The following TAOK3 variants were observed in gnomAD, a reference collection of about 807,000 sequenced individuals.
The protein encoded by TAOK3 is serine/threonine-protein kinase TAO3.
Under a neutral mutation model 120.4 loss-of-function variants are expected in TAOK3, and 40 were observed. The ratio of observed to expected loss-of-function variants is 0.33; its 90% CI spans 0.26 to 0.43. The LOEUF (loss-of-function observed/expected upper bound fraction) is 0.43. Among genes scored for constraint, TAOK3 ranks in the 20% least tolerant of loss-of-function variants. The probability of loss-of-function intolerance (pLI) is 1.00; values close to 1 mark genes in which losing one functional copy is unlikely to be tolerated. For missense variants in TAOK3, 821 were observed against 1,112.1 expected, an observed-to-expected ratio of 0.74 and a Z score of 3.72; for synonymous variants, 355 against 387.5, an observed-to-expected ratio of 0.92 and a Z score of 0.99.
chr12:118,315,242 G>T (rs1566105633), intron 1 of TAOK3, among the ~76,000 whole-genome samples: 1 of 152,080 alleles, frequency 6.6e-6, no homozygotes. Flanking sequence ...TTTCATAATG[G>T]TAAAAAATGA....
At chr12:118,180,443 A>G (rs560984309) in intron 15 of TAOK3, among the ~76,000 whole-genome samples, 1 of 144,994 alleles carries the variant, frequency 6.9e-6, no homozygotes, top group Admixed American at 6.9e-5. Flanking sequence ...GTTTTGCCAC[A>G]TTGTCCAGGC....
At chr12:118,234,234 T>TTTTTTTTTTTTTTTTTTTTTTTTG (rs2039920134) in intron 8 of TAOK3, among the ~76,000 whole-genome samples, 1 of 104,066 alleles carries the variant, frequency 9.6e-6, no homozygotes, top group Non-Finnish European at 2.0e-5. Flanking sequence ...TTTTTTTTTT[T>TTTTTTTTTTTTTTTTTTTTTTTTG]TTTTTTTTTT....
At chr12:118,173,148 A>C (rs2036108496) in intron 16 of TAOK3, among the ~76,000 whole-genome samples, 1 of 152,234 alleles carries the variant, frequency 6.6e-6, no homozygotes, top group Admixed American at 6.5e-5. Flanking sequence ...AAAATTATTC[A>C]GAGTTAACCA....
chr12:118,255,512 T>A lies in TAOK3; in HGVS notation c.56A>T (p.Asp19Val), dbSNP rs767810305. 6.2e-7 allele frequency: 1 copy of A among 1,614,144 alleles called. No individual in the cohort carries two copies. Among genetic ancestry groups the A allele is most frequent in the African/African-American group, 1.3e-5 (1 of 75,056 alleles). The change falls in exon 3 of 21, where the codon GAT becomes GTT. Residue 19 changes from aspartate (D) to valine (V), a missense_variant. Around this residue, in one of 2 missense-constraint regions of TAOK3, gnomAD observed 467 missense variants for 540.0 expected, o/e 0.86. Transcript: ENST00000392533. ...CAAACCAATAAAAAGTTCCTCAGGA[T>A]CATCTTTGTAGAATAGATCGGCAAT... is the stretch of plus-strand genomic sequence containing the variant. Reference protein sequence around the residue: ...PEIADLFYKDDPEELFIGLHE... With the variant: ...PEIADLFYKDVPEELFIGLHE...
intron 1 of TAOK3, among the ~76,000 whole-genome samples, chr12:118,351,021 A>G (rs1450900314): frequency 6.7e-6 from 1 of 149,848 alleles, no homozygotes; most frequent in Non-Finnish European, 1.5e-5. Context: ...TCTACAAAAA[A>G]TACAAAAATT....
At chr12:118,208,626 T>C (rs1407610190) in intron 11 of TAOK3, among the ~76,000 whole-genome samples, 1 of 152,164 alleles carries the variant, frequency 6.6e-6, no homozygotes, top group African/African-American at 2.4e-5. Context: ...TGCAACTGCT[T>C]TGAAGGACAA....
At chr12:118,166,876 A>G (rs951697665) in intron 17 of TAOK3, among the ~76,000 whole-genome samples, 5 of 147,288 alleles carry the variant, frequency 3.4e-5, no homozygotes, top group Non-Finnish European at 3.0e-5. Context: ...ACACACGTAT[A>G]AGCCCTGGAG....
At position 118,235,559 on chromosome 12, in the gene TAOK3, A is replaced by C. The variant is rs1446417720; in HGVS notation, c.550T>G (p.Trp184Gly). 4 of 1,612,186 alleles carry C rather than the reference A, an allele frequency of 2.5e-6. No individual in the cohort carries two copies. The highest frequency in any genetic ancestry group is 2.5e-6 in the Non-Finnish European group (3 of 1,178,256). The change falls in exon 8 of 21, where the codon TGG (tryptophan) becomes GGG (glycine). Residue 184 changes from tryptophan to glycine, a missense_variant and splice_region_variant. Physicochemically the swap from Trp to Gly is radical, Grantham distance 184 (BLOSUM62 -2). Coordinates refer to ENST00000392533, the MANE Select transcript of TAOK3 (RefSeq NM_016281.4). ...GTCATATAGCCTAATTCTACATACC[A>C]GTAAGGTGTGCCCACGAAGGAGTTG... ...PANSFVGTPY[W>G]MAPEVILAMD...
intron 1 of TAOK3, among the ~76,000 whole-genome samples, chr12:118,320,816 T>A (rs560902941): frequency 1.3e-5 from 2 of 152,250 alleles, no homozygotes; most frequent in South Asian, 4.1e-4. Flanking sequence ...TGAAAATGAA[T>A]CACACTGCTA....
At chr12:118,322,929 C>A (rs964237910) in intron 1 of TAOK3, among the ~76,000 whole-genome samples, 1 of 151,806 alleles carries the variant, frequency 6.6e-6, no homozygotes, top group African/African-American at 2.4e-5. Context: ...CCAGGCTGGT[C>A]TTGAACTCTT....
At chr12:118,295,976 T>C (rs2042665723) in intron 1 of TAOK3, among the ~76,000 whole-genome samples, 1 of 152,194 alleles carries the variant, frequency 6.6e-6, no homozygotes, top group South Asian at 2.1e-4. Flanking sequence ...CATGTGCCAA[T>C]TGATTCAAAT....
intron 1 of TAOK3, among the ~76,000 whole-genome samples, chr12:118,273,456 C>A (rs184014325): frequency 6.6e-6 from 1 of 151,866 alleles, no homozygotes; most frequent in Admixed American, 6.6e-5. Context: ...GAGCCGAGAT[C>A]GGCACCACTG....
intron 16 of TAOK3, among the ~76,000 whole-genome samples, chr12:118,174,185 C>G (rs1056307697): frequency 6.6e-5 from 10 of 152,178 alleles, no homozygotes; most frequent in African/African-American, 2.4e-4. Flanking sequence ...GTATTAGATA[C>G]TCCTGTTATC....
At chr12:118,179,642 T>G (rs1008967058) in intron 15 of TAOK3, among the ~76,000 whole-genome samples, 2 of 150,434 alleles carry the variant, frequency 1.3e-5, no homozygotes, top group African/African-American at 2.4e-5. Flanking sequence ...CTTACCCTTC[T>G]GTTTTTTTTT....
At chr12:118,246,236 C>T (rs2040494557) in intron 3 of TAOK3, 5 of 1,467,750 alleles carry the variant, frequency 3.4e-6, no homozygotes, top group African/African-American at 1.4e-5. Flanking sequence ...GCGGAGCTCG[C>T]GGAGGCAAGG....
At chr12:118,298,458 T>C (rs2042760391) in intron 1 of TAOK3, among the ~76,000 whole-genome samples, 1 of 152,206 alleles carries the variant, frequency 6.6e-6, no homozygotes, top group Non-Finnish European at 1.5e-5. Context: ...GTAAGTGTTA[T>C]ATTGTCAAGA....
intron 1 of TAOK3, among the ~76,000 whole-genome samples, chr12:118,319,879 A>G (rs1381763740): frequency 1.3e-5 from 2 of 152,194 alleles, no homozygotes; most frequent in African/African-American, 2.4e-5. Context: ...GAGGGACTCA[A>G]ACAGATACTT....
intron 3 of TAOK3, among the ~76,000 whole-genome samples, chr12:118,248,516 T>C (rs1233949068): frequency 1.3e-5 from 2 of 152,110 alleles, no homozygotes; most frequent in Admixed American, 6.5e-5. Flanking sequence ...ATCTGAAAAG[T>C]AGATATTTGA....
chr12:118,179,737 C>A (rs572196018), intron 15 of TAOK3, among the ~76,000 whole-genome samples: 2 of 151,492 alleles, frequency 1.3e-5, no homozygotes, highest in African/African-American at 4.9e-5. Flanking sequence ...CTCCGCCTCC[C>A]GGGTTCAAGT....
Sources: allele counts gnomAD v4.1 joint callset (sites outside exome capture counted in the v4.1 genomes callset), GRCh38; gene constraint gnomAD v4.1.1; regional missense constraint gnomAD v4.1.1; transcripts MANE v1.5; gene names NCBI Gene and HGNC (gene_info 2026-07-23, HGNC 2026-07-21).